The following SLC22A16 variants were observed in gnomAD, a reference collection of about 807,000 sequenced individuals.
SLC22A16 encodes the protein solute carrier family 22 member 16.
Under a neutral mutation model 52.9 loss-of-function variants are expected in SLC22A16, and 53 were observed. That is an observed-to-expected ratio of 1.00 (90% CI 0.80 to 1.26). The LOEUF (loss-of-function observed/expected upper bound fraction) is 1.26. Ranked by LOEUF, SLC22A16 falls within the 50% of genes most tolerant of loss-of-function variation. The probability of loss-of-function intolerance (pLI) is 0.00; values close to 1 mark genes in which losing one functional copy is unlikely to be tolerated. For missense variants in SLC22A16, 726 were observed against 704.0 expected, an observed-to-expected ratio of 1.03 and a Z score of -0.35; for synonymous variants, 291 against 268.8, an observed-to-expected ratio of 1.08 and a Z score of -0.81.
At chr6:110,459,942 C>G (rs919553627) in intron 1 of SLC22A16, among the ~76,000 whole-genome samples, 1 of 152,106 alleles carries the variant, frequency 6.6e-6, no homozygotes, top group Admixed American at 6.6e-5. Context: ...TGGATTACCC[C>G]ACAAAATTCC....
chr6:110,474,375 T>C (rs891521434), intron 1 of SLC22A16, among the ~76,000 whole-genome samples: 1 of 152,200 alleles, frequency 6.6e-6, no homozygotes, highest in Admixed American at 6.5e-5. Context: ...ATCATCACAA[T>C]AACTTTCCTT....
intron 2 of SLC22A16, among the ~76,000 whole-genome samples, chr6:110,449,266 G>T (rs1215994676): frequency 2.0e-5 from 3 of 151,704 alleles, no homozygotes; most frequent in Non-Finnish European, 4.4e-5. Context: ...CCTCTCACCT[G>T]GTTCTGCTTG....
intron 3 of SLC22A16, among the ~76,000 whole-genome samples, chr6:110,445,819 TCA>T (rs1433768383): frequency 1.3e-5 from 2 of 152,006 alleles, no homozygotes; most frequent in Non-Finnish European, 2.9e-5. Flanking sequence ...CACTCTACAG[TCA>T]CAGAGTTATG....
At chr6:110,461,534 G>C (rs565131508) in intron 1 of SLC22A16, among the ~76,000 whole-genome samples, 1 of 152,194 alleles carries the variant, frequency 6.6e-6, no homozygotes, top group Non-Finnish European at 1.5e-5. Flanking sequence ...CTGGACTAGA[G>C]ACTGAACTGC....
intron 3 of SLC22A16, among the ~76,000 whole-genome samples, chr6:110,446,024 A>G (rs1161189834): frequency 2.0e-5 from 3 of 152,124 alleles, no homozygotes; most frequent in Non-Finnish European, 4.4e-5. Flanking sequence ...AAAGACTCCA[A>G]AACTGACACC....
In SLC22A16 at chr6:110,456,933, G is replaced by A. The variant is rs2114991612; in HGVS notation, c.138C>T (p.Val46=). Reference sequence around the variant, plus strand: ...GGGGCCTGCAGACATGATGAGGGGTGACTCCCATGAACACAGAAGCCAAGT... The same window carrying A: ...GGGGCCTGCAGACATGATGAGGGGTAACTCCCATGAACACAGAAGCCAAGT... ...IHYLASVFMG[V]TPHHVCRPPG... Residue 46 remains valine, a synonymous_variant, in exon 2 of 8, where the codon GTC becomes GTT. Coordinates refer to ENST00000368919, the MANE Select transcript of SLC22A16 (RefSeq NM_033125.4). 6.2e-7 allele frequency: 1 copy of A among 1,611,848 alleles called. No homozygotes were observed. Among genetic ancestry groups the A allele is most frequent in the East Asian group, 2.2e-5 (1 of 44,848 alleles).
intron 1 of SLC22A16, chr6:110,475,065 C>T: frequency 4.1e-6 from 2 of 491,866 alleles, no homozygotes; most frequent in Admixed American, 2.1e-5. Flanking sequence ...ATAAAATGCT[C>T]AAGACCGTAT....
chr6:110,458,990 T>G (rs754709088), intron 1 of SLC22A16, among the ~76,000 whole-genome samples: 3 of 149,672 alleles, frequency 2.0e-5, no homozygotes, highest in Non-Finnish European at 2.9e-5. Flanking sequence ...GTCTCATATA[T>G]GTGTGTGTGT....
intron 1 of SLC22A16, among the ~76,000 whole-genome samples, chr6:110,468,867 C>A (rs1449581555): frequency 6.6e-6 from 1 of 152,138 alleles, no homozygotes; most frequent in Non-Finnish European, 1.5e-5. Flanking sequence ...TCGTCCCCAG[C>A]CCCTGCACTG....
At chr6:110,442,827 G>A (rs978776863) in intron 3 of SLC22A16, 52 bp from the exon 4 acceptor site, 1 of 1,537,700 alleles carries the variant, frequency 6.5e-7, no homozygotes, top group African/African-American at 1.4e-5. Flanking sequence ...TATAACTATT[G>A]AGGAGTCTGA....
intron 1 of SLC22A16, among the ~76,000 whole-genome samples, chr6:110,457,642 G>A (rs1775716099): frequency 1.3e-5 from 2 of 152,134 alleles, no homozygotes; most frequent in South Asian, 4.1e-4. Context: ...AATAATCCTA[G>A]CTCTACAACC....
chr6:110,471,007 G>A (rs1465923950), intron 1 of SLC22A16, among the ~76,000 whole-genome samples: 1 of 152,124 alleles, frequency 6.6e-6, no homozygotes, highest in African/African-American at 2.4e-5. Flanking sequence ...AAAACTCTCT[G>A]GCAGGGGACC....
chr6:110,429,878 T>C (rs1774426351), intron 7 of SLC22A16, among the ~76,000 whole-genome samples: 1 of 151,330 alleles, frequency 6.6e-6, no homozygotes, highest in Admixed American at 6.6e-5. Context: ...GGAGGGGCCG[T>C]TTGGGCAGTG....
At chr6:110,438,269 G>C (rs1039362539) in intron 5 of SLC22A16, among the ~76,000 whole-genome samples, 2 of 152,144 alleles carry the variant, frequency 1.3e-5, no homozygotes. Context: ...AGATTATTGC[G>C]TTTACAAAAT....
chr6:110,456,417 A>G, intron 2 of SLC22A16, 121 bp downstream of exon 2: 1 of 1,179,184 alleles, frequency 8.5e-7, no homozygotes, highest in African/African-American at 1.5e-5. Context: ...GCAAAGAGGT[A>G]GGTATTTAGA....
intron 1 of SLC22A16, 38 bp downstream of exon 1, chr6:110,476,484 C>A: frequency 7.2e-7 from 1 of 1,385,046 alleles, no homozygotes; most frequent in South Asian, 1.4e-5. Context: ...CCCTCGGCGC[C>A]GCCTCCCGCG....
chr6:110,431,019 A>T, intron 7 of SLC22A16, 152 bp downstream of exon 7: 1 of 612,940 alleles, frequency 1.6e-6, no homozygotes, highest in Non-Finnish European at 2.9e-6. Flanking sequence ...CTACTCACCA[A>T]CTGGCCAGCT....
chr6:110,432,782 G>T (rs1774557773), intron 6 of SLC22A16, among the ~76,000 whole-genome samples: 1 of 152,204 alleles, frequency 6.6e-6, no homozygotes, highest in Admixed American at 6.5e-5. Flanking sequence ...CTGTACATCT[G>T]TGCAGGGCTG....
At chr6:110,469,705 T>C (rs7740547) in intron 1 of SLC22A16, among the ~76,000 whole-genome samples, 38,621 of 152,102 alleles carry the variant, frequency 0.25, 5,493 homozygotes, top group East Asian at 0.43. Context: ...GTAAATAAAG[T>C]GGGAAATTAA....
Sources: allele counts gnomAD v4.1 joint callset (sites outside exome capture counted in the v4.1 genomes callset), GRCh38; gene constraint gnomAD v4.1.1; transcripts MANE v1.5; gene names NCBI Gene and HGNC (gene_info 2026-07-23, HGNC 2026-07-21).